TMEM132D: variants seen among roughly 807,000 people sequenced by gnomAD.
TMEM132D encodes the protein mature OL transmembrane protein.
In TMEM132D, 21 loss-of-function variants were observed where a neutral mutation model predicts 62.3. The ratio of observed to expected loss-of-function variants is 0.34; its 90% CI spans 0.24 to 0.49. TMEM132D has a LOEUF of 0.49. Among genes scored for constraint, TMEM132D ranks in the 20% least tolerant of loss-of-function variants. The pLI, the probability that TMEM132D is intolerant of heterozygous loss-of-function variation, is 0.99. For missense variants in TMEM132D, 1,346 were observed against 1,402.8 expected (o/e 0.96, Z 0.65); for synonymous variants, 621 against 575.6 (o/e 1.08, Z -1.13).
chr12:129,513,733 T>C (rs1415033550), intron 3 of TMEM132D, among the ~76,000 whole-genome samples: 33 of 148,684 alleles, frequency 2.2e-4, no homozygotes, highest in Admixed American at 1.3e-4. Flanking sequence ...GATCCGCCCG[T>C]CTCAGCCTCT....
intron 5 of TMEM132D, among the ~76,000 whole-genome samples, chr12:129,141,839 G>A (rs556930223): frequency 1.3e-5 from 2 of 151,600 alleles, no homozygotes; most frequent in South Asian, 2.1e-4. Context: ...CTGGGTGATG[G>A]GATCATTCGT....
At chr12:129,844,269 T>G (rs985332795) in intron 1 of TMEM132D, among the ~76,000 whole-genome samples, 1 of 152,170 alleles carries the variant, frequency 6.6e-6, no homozygotes, top group Non-Finnish European at 1.5e-5. Context: ...CTTTACATGC[T>G]TGAAACAATT....
chr12:129,474,506 G>C (rs2137049254), intron 3 of TMEM132D, among the ~76,000 whole-genome samples: 4 of 152,292 alleles, frequency 2.6e-5, no homozygotes, highest in Middle Eastern at 6.8e-3. Flanking sequence ...ATCGCAGTCT[G>C]CAGGCTTGAC....
chr12:129,407,221 A>C (rs1177337308), intron 3 of TMEM132D, among the ~76,000 whole-genome samples: 1 of 152,234 alleles, frequency 6.6e-6, no homozygotes, highest in African/African-American at 2.4e-5. Context: ...AAAAACACAA[A>C]GACTGCAGCC....
intron 4 of TMEM132D, among the ~76,000 whole-genome samples, chr12:129,325,254 G>C (rs1566034142): frequency 6.6e-6 from 1 of 152,182 alleles, no homozygotes; most frequent in Non-Finnish European, 1.5e-5. Flanking sequence ...TCAGACGCTG[G>C]ACAGAAACAA....
chr12:129,791,945 C>T (rs1004009725), intron 1 of TMEM132D, among the ~76,000 whole-genome samples: 3 of 152,170 alleles, frequency 2.0e-5, no homozygotes, highest in African/African-American at 4.8e-5. Flanking sequence ...AGTTATGGAG[C>T]CTCCTCAGCT....
chr12:129,208,183 G>A (rs763232143), intron 5 of TMEM132D, among the ~76,000 whole-genome samples: 1 of 152,152 alleles, frequency 6.6e-6, no homozygotes, highest in Non-Finnish European at 1.5e-5. Flanking sequence ...AGGTGATTGT[G>A]TCTGGGATTG....
chr12:129,368,997 C>T (rs547545890), intron 3 of TMEM132D, among the ~76,000 whole-genome samples: 44 of 152,252 alleles, frequency 2.9e-4, no homozygotes, highest in South Asian at 1.9e-3. Context: ...GACAGCGAGG[C>T]GGCACAGCAG....
intron 2 of TMEM132D, among the ~76,000 whole-genome samples, chr12:129,587,816 GC>G (rs1369079571): frequency 1.3e-5 from 2 of 152,154 alleles, no homozygotes; most frequent in East Asian, 3.9e-4. Flanking sequence ...CAGGATGCTG[GC>G]CAGGGGGTAT....
intron 5 of TMEM132D, among the ~76,000 whole-genome samples, chr12:129,103,216 T>C (rs1437430910): frequency 6.6e-6 from 1 of 152,210 alleles, no homozygotes. Flanking sequence ...CATCTCTTCT[T>C]CCTGGGCTCC....
chr12:129,485,439 TAC>T (rs1271062987), intron 3 of TMEM132D, among the ~76,000 whole-genome samples: 1 of 152,180 alleles, frequency 6.6e-6, no homozygotes, highest in African/African-American at 2.4e-5. Flanking sequence ...CATTCAGGGC[TAC>T]AGTGAGTGCT....
chr12:129,466,023 A>G (rs138863326), intron 3 of TMEM132D, among the ~76,000 whole-genome samples: 1 of 152,178 alleles, frequency 6.6e-6, no homozygotes, highest in Non-Finnish European at 1.5e-5. Context: ...CATAATATCT[A>G]CGGCACAGGA....
intron 4 of TMEM132D, among the ~76,000 whole-genome samples, chr12:129,233,048 A>G (rs567340263): frequency 1.3e-5 from 2 of 152,310 alleles, no homozygotes; most frequent in Admixed American, 1.3e-4. Context: ...TCCCCATTCA[A>G]TCTCCACCAC....
chr12:129,850,079 T>A (rs1170892965), intron 1 of TMEM132D, among the ~76,000 whole-genome samples: 1 of 152,224 alleles, frequency 6.6e-6, no homozygotes, highest in Non-Finnish European at 1.5e-5. Context: ...AAAACTATGA[T>A]CCTAGACTTA....
chr12:129,079,640 T>C (rs1874389832), intron 7 of TMEM132D, among the ~76,000 whole-genome samples: 1 of 152,210 alleles, frequency 6.6e-6, no homozygotes. Flanking sequence ...TTTTTGGTGA[T>C]ATTTATGATG....
At chr12:129,173,609 G>A (rs1284257062) in intron 5 of TMEM132D, among the ~76,000 whole-genome samples, 6 of 152,102 alleles carry the variant, frequency 3.9e-5, no homozygotes, top group Admixed American at 1.3e-4. Flanking sequence ...TTATGTTTAC[G>A]CCAGTGTTCA....
intron 2 of TMEM132D, among the ~76,000 whole-genome samples, chr12:129,585,444 G>T (rs750617786): frequency 6.6e-6 from 1 of 152,190 alleles, no homozygotes; most frequent in African/African-American, 2.4e-5. Context: ...TGGAGCAGCC[G>T]CAGGGCTGGC....
In TMEM132D at chr12:129,467,760, C is replaced by T. The variant is rs74783129; in HGVS notation, c.1115+63299G>A. On this transcript the variant is annotated intron_variant, in intron 3 of 8. Coordinates refer to ENST00000422113, the MANE Select transcript of TMEM132D (RefSeq NM_133448.3). ...TCTGTGCTTGAACAGCTGTAATGGA[C>T]TAAATGTTTGGAAATACAGGTTAGA... Among the ~76,000 whole-genome samples the T allele has an allele frequency of 8.8e-3, 1,339 of 152,226 alleles. 21 individuals are homozygous for T. Among genetic ancestry groups the T allele is most frequent in the African/African-American group, 0.031 (1,269 of 41,552 alleles).
chr12:129,425,403 G>A (rs1033229797), intron 3 of TMEM132D, among the ~76,000 whole-genome samples: 2 of 117,772 alleles, frequency 1.7e-5, no homozygotes, highest in Non-Finnish European at 3.4e-5. Context: ...CCAGATGCTT[G>A]CACTTTTTTT....
Sources: gnomAD v4.1 joint callset for allele counts (sites outside exome capture counted in the v4.1 genomes callset) on GRCh38, gnomAD v4.1.1 for gene constraint, MANE v1.5 for transcripts, NCBI Gene and HGNC (gene_info 2026-07-23, HGNC 2026-07-21) for gene names.